The following NSUN6 variants were observed in gnomAD, a reference collection of about 807,000 sequenced individuals.
The protein encoded by NSUN6 is tRNA (cytosine(72)-C(5))-methyltransferase NSUN6.
In NSUN6, 64 loss-of-function variants were observed where a neutral mutation model predicts 58.0. That is an observed-to-expected ratio of 1.10 (90% CI 0.90 to 1.36). NSUN6 has a LOEUF of 1.36. NSUN6 is among the 40% of genes most tolerant of loss of function. The pLI, the probability that NSUN6 is intolerant of heterozygous loss-of-function variation, is 0.00. For synonymous variants in NSUN6, 231 were observed against 193.9 expected (o/e 1.19, Z -1.59); for missense variants, 701 against 550.1 (o/e 1.27, Z -2.74).
At chr10:18,619,886 TGGTATCACA>T (rs1199752017) in intron 3 of NSUN6, among the ~76,000 whole-genome samples, 7 of 152,128 alleles carry the variant, frequency 4.6e-5, no homozygotes, top group Non-Finnish European at 8.8e-5. Context: ...TCTGTGTGTG[TGGTATCACA>T]CATAACATTT....
intron 8 of NSUN6, among the ~76,000 whole-genome samples, chr10:18,552,920 C>A (rs2054700852): frequency 1.3e-5 from 2 of 150,740 alleles, no homozygotes; most frequent in African/African-American, 2.4e-5. Context: ...TTCCACTACA[C>A]TCGACTCTCC....
chr10:18,578,817 T>A (rs1054826306), intron 8 of NSUN6, among the ~76,000 whole-genome samples: 1 of 152,148 alleles, frequency 6.6e-6, no homozygotes, highest in South Asian at 2.1e-4. Context: ...GTATCAATGA[T>A]CTTGTACCAT....
intron 8 of NSUN6, among the ~76,000 whole-genome samples, chr10:18,579,839 T>C (rs2056827765): frequency 6.6e-6 from 1 of 152,174 alleles, no homozygotes; most frequent in Non-Finnish European, 1.5e-5. Flanking sequence ...TCTGCATTTT[T>C]ACATAAACAA....
intron 2 of NSUN6, among the ~76,000 whole-genome samples, chr10:18,646,159 C>T (rs2059540498): frequency 6.6e-6 from 1 of 152,134 alleles, no homozygotes; most frequent in Non-Finnish European, 1.5e-5. Flanking sequence ...CGCACCACTG[C>T]ACTCCAGCCT....
intron 5 of NSUN6, 93 bp downstream of exon 5, chr10:18,614,367 C>A: frequency 1.4e-6 from 1 of 690,232 alleles, no homozygotes. Flanking sequence ...AAAAAAATTT[C>A]ATATAATGCA....
chr10:18,609,640 G>C (rs2058162396), intron 6 of NSUN6, among the ~76,000 whole-genome samples: 1 of 152,094 alleles, frequency 6.6e-6, no homozygotes, highest in African/African-American at 2.4e-5. Context: ...AAGAAAGATA[G>C]AAAAAGTAGT....
At chr10:18,642,419 C>T (rs1250925392) in intron 3 of NSUN6, 57 bp downstream of exon 3, 2 of 834,516 alleles carry the variant, frequency 2.4e-6, no homozygotes, top group Admixed American at 3.9e-5. Flanking sequence ...TTAAAAAGCT[C>T]CCTGTGACAA....
At chr10:18,547,791 A>G (rs1451250123) in intron 10 of NSUN6, among the ~76,000 whole-genome samples, 2 of 78,200 alleles carry the variant, frequency 2.6e-5, no homozygotes, top group South Asian at 9.7e-4. Flanking sequence ...AAAATACAGG[A>G]CTGGGAAGGA....
chr10:18,647,066 G>C (rs1202299783), intron 2 of NSUN6, among the ~76,000 whole-genome samples: 1 of 152,044 alleles, frequency 6.6e-6, no homozygotes, highest in Non-Finnish European at 1.5e-5. Context: ...CTAAGGTTTG[G>C]TCTCATACAC....
chr10:18,598,843 G>C lies in NSUN6; in HGVS notation c.658-2516C>G, dbSNP rs192263682. Among the ~76,000 whole-genome samples the C allele has an allele frequency of 3.3e-3, 503 of 152,250 alleles. 12 individuals are homozygous for C. The highest frequency in any genetic ancestry group is 3.3e-3 in the East Asian group (17 of 5,176). On this transcript the variant is annotated intron_variant, in intron 6 of 10. Coordinates refer to ENST00000377304, the MANE Select transcript of NSUN6 (RefSeq NM_182543.5). ...CTAATACACGTTTAAAGCGGCTAAA[G>C]ATTTGGTGATTCTTTATCTAGAGAC...
In NSUN6 at chr10:18,651,197, T is replaced by G. The variant is rs370071960; in HGVS notation, c.7A>C (p.Ile3Leu). 8 of 1,564,574 alleles carry G rather than the reference T, an allele frequency of 5.1e-6. No individual in the cohort carries two copies. The highest frequency in any genetic ancestry group is 6.9e-6 in the Non-Finnish European group (8 of 1,163,718). The part of the protein sequence containing the change: MS[I>L]FPKISLRPEV... ...GGTCTCAAAGATATCTTAGGGAAAA[T>G]AGACATTTTTCCTGTTGTTTAGTTC... The change falls in exon 1 of 11, where the codon ATT becomes CTT. Residue 3 changes from isoleucine (I) to leucine (L), a missense_variant. Coordinates refer to ENST00000377304, the MANE Select transcript of NSUN6 (RefSeq NM_182543.5).
chr10:18,600,959 T>TATATATATATATATATATATATACATAC lies in NSUN6; in HGVS notation c.658-4633_658-4632insGTATGTATATATATATATATATATATAT. ...AAAAAAAAATATATATATATATATA[T>TATATATATATATATATATATATACATAC]ACATATATATATATATATGTATATA... is the stretch of plus-strand genomic sequence containing the variant. On this transcript the variant is annotated intron_variant, in intron 6 of 10. Transcript: ENST00000377304. 2.9e-4 allele frequency among the ~76,000 whole-genome samples: 19 copies of TATATATATATATATATATATATACATAC among 64,956 alleles called. No homozygotes were observed. In the East Asian group the frequency reaches 6.2e-3, roughly 21 times the overall value. 42.6% of individuals were successfully genotyped at this position (64,956 alleles called of 152,430 possible).
intron 6 of NSUN6, among the ~76,000 whole-genome samples, chr10:18,596,582 T>C (rs566667205): frequency 4.6e-5 from 7 of 152,260 alleles, no homozygotes; most frequent in Middle Eastern, 3.4e-3. Context: ...CTGAACTCAA[T>C]TGCCTTATCA....
chr10:18,620,456 A>G (rs1319625388), intron 3 of NSUN6, among the ~76,000 whole-genome samples: 1 of 152,152 alleles, frequency 6.6e-6, no homozygotes, highest in African/African-American at 2.4e-5. Flanking sequence ...TTCATACTTC[A>G]TATCTGCCTC....
chr10:18,603,014 C>T (rs1180903683), intron 6 of NSUN6, among the ~76,000 whole-genome samples: 9 of 152,104 alleles, frequency 5.9e-5, no homozygotes, highest in Non-Finnish European at 1.2e-4. Context: ...AGAATTAGGT[C>T]GGGCGCAGTG....
intron 9 of NSUN6, 85 bp from the exon 10 acceptor site, chr10:18,548,322 T>G: frequency 8.5e-7 from 1 of 1,174,372 alleles, no homozygotes; most frequent in Non-Finnish European, 1.2e-6. Flanking sequence ...TATAATGTCT[T>G]TCAAATGTTT....
At chr10:18,626,047 C>A (rs765407900) in intron 3 of NSUN6, among the ~76,000 whole-genome samples, 2 of 152,018 alleles carry the variant, frequency 1.3e-5, no homozygotes, top group African/African-American at 4.8e-5. Context: ...TAACGCAGTA[C>A]GTAAGAGTCA....
At chr10:18,554,801 A>AATGGAATGGAATAGAATGGT (rs1388188619) in intron 8 of NSUN6, among the ~76,000 whole-genome samples, 2 of 151,300 alleles carry the variant, frequency 1.3e-5, no homozygotes, top group Non-Finnish European at 3.0e-5. Flanking sequence ...TGGAGAATGA[A>AATGGAATGGAATAGAATGGT]ATGGAATGGA....
rs541273802 is a variant in NSUN6, at chr10:18,642,734, T to C, written c.232-179A>G. Among the ~76,000 whole-genome samples, 4 of 152,332 alleles carry C rather than the reference T, an allele frequency of 2.6e-5. No individual in the cohort carries two copies. In the South Asian group the frequency reaches 8.3e-4, roughly 32 times the overall value. The stretch of plus-strand genomic sequence containing the variant: ...GACCTCAAAACAACAATGTTTTCTC[T>C]ATTTTAATTCTGAAGTATCCTAACT... On this transcript the variant is annotated intron_variant, in intron 2 of 10. Coordinates refer to ENST00000377304, the MANE Select transcript of NSUN6 (RefSeq NM_182543.5).
Sources: gnomAD v4.1 joint callset for allele counts (sites outside exome capture counted in the v4.1 genomes callset) on GRCh38, gnomAD v4.1.1 for gene constraint, MANE v1.5 for transcripts, NCBI Gene and HGNC (gene_info 2026-07-23, HGNC 2026-07-21) for gene names.